The following CERKL variants were observed in gnomAD, a reference collection of about 807,000 sequenced individuals.
The protein encoded by CERKL is ceramide kinase-like protein.
CERKL carries 61 observed loss-of-function variants against 63.4 expected under a neutral mutation model. That is an observed-to-expected ratio of 0.96 (90% CI 0.78 to 1.19). CERKL has a LOEUF of 1.19. Among genes scored for constraint, CERKL ranks in the 50% most tolerant of loss-of-function variants. CERKL has a pLI of 0.00. For missense variants in CERKL, 675 were observed against 655.5 expected (o/e 1.03, Z -0.33); for synonymous variants, 250 against 230.5 (o/e 1.08, Z -0.77).
At position 181,616,684 on chromosome 2, in the gene CERKL, T is replaced by A. The variant is rs150905440; in HGVS notation, c.239-12605A>T. The stretch of plus-strand genomic sequence containing the variant: ...AGAACAGTATAATAGAAATGAGAGC[T>A]GTTTGACTTTCAATCATAGACAATC... On this transcript the variant is annotated intron_variant, in intron 1 of 12. Coordinates refer to ENST00000410087, the MANE Select transcript of CERKL (RefSeq NM_201548.5). Among the ~76,000 whole-genome samples, 343 of 152,320 alleles carry A rather than the reference T, an allele frequency of 2.3e-3. 3 individuals are homozygous for A. Among genetic ancestry groups the A allele is most frequent in the African/African-American group, 7.8e-3 (323 of 41,576 alleles).
At chr2:181,602,157 C>T (rs1024042543) in intron 2 of CERKL, among the ~76,000 whole-genome samples, 1 of 152,170 alleles carries the variant, frequency 6.6e-6, no homozygotes, top group African/African-American at 2.4e-5. Flanking sequence ...ATGTCCTCTG[C>T]TTCTTACTTT....
At chr2:181,598,465 A>G (rs1394211256) in intron 2 of CERKL, among the ~76,000 whole-genome samples, 4 of 151,966 alleles carry the variant, frequency 2.6e-5, no homozygotes, top group African/African-American at 7.3e-5. Context: ...TCTCCCCCCA[A>G]CCAGCGACCC....
intron 2 of CERKL, among the ~76,000 whole-genome samples, chr2:181,584,817 T>G (rs941928330): frequency 6.6e-6 from 1 of 151,344 alleles, no homozygotes; most frequent in Admixed American, 6.6e-5. Flanking sequence ...AGCTCCCCGG[T>G]TTTTTTTGTT....
intron 2 of CERKL, among the ~76,000 whole-genome samples, chr2:181,584,114 G>A (rs1327459315): frequency 6.6e-6 from 1 of 152,140 alleles, no homozygotes; most frequent in Non-Finnish European, 1.5e-5. Context: ...TAGAATCAAG[G>A]TGATAAAAAT....
chr2:181,614,465 A>G (rs1318324804), intron 1 of CERKL, among the ~76,000 whole-genome samples: 1 of 152,216 alleles, frequency 6.6e-6, no homozygotes, highest in Admixed American at 6.5e-5. Flanking sequence ...CCTTTACGGT[A>G]TCACCTTAAG....
At chr2:181,611,742 T>C (rs969026161) in intron 1 of CERKL, among the ~76,000 whole-genome samples, 1 of 152,184 alleles carries the variant, frequency 6.6e-6, no homozygotes, top group Non-Finnish European at 1.5e-5. Flanking sequence ...ACAGCACATT[T>C]CCATTACTGT....
At chr2:181,595,366 T>C (rs889662965) in intron 2 of CERKL, among the ~76,000 whole-genome samples, 4 of 142,838 alleles carry the variant, frequency 2.8e-5, no homozygotes, top group African/African-American at 1.2e-4. Context: ...ACCCTACGGG[T>C]TGCCCTGCTT....
At chr2:181,567,863 C>A (rs1262059714) in intron 3 of CERKL, among the ~76,000 whole-genome samples, 1 of 151,986 alleles carries the variant, frequency 6.6e-6, no homozygotes, top group African/African-American at 2.4e-5. Context: ...TATTGTGGGC[C>A]CTGGAATCAG....
chr2:181,539,075 G>A lies in CERKL; in HGVS notation c.1538+17C>T. 1.3e-6 allele frequency: 2 copies of A among 1,523,376 alleles called. No homozygotes were observed. The highest frequency in any genetic ancestry group is 1.8e-6 in the Non-Finnish European group (2 of 1,097,892). The allele number at this position is 1,523,376 out of a possible 1,614,324, so 94.4% of individuals were successfully genotyped here. A position where few individuals can be genotyped will look rare whatever the true frequency, so the allele number is the denominator to read the frequency against. On this transcript the variant is annotated intron_variant, in intron 12 of 12. Coordinates refer to ENST00000410087, the MANE Select transcript of CERKL (RefSeq NM_201548.5). ...TGTTTACTGGTTGACAATAAGCGGT[G>A]AAATAAATAGACTTACCTAATATGG...
intron 1 of CERKL, among the ~76,000 whole-genome samples, chr2:181,650,758 TCAAAAAAAAAGAAAGAAAGAAAAAAA>T (rs1687893941): frequency 7.0e-6 from 1 of 143,256 alleles, no homozygotes; most frequent in Non-Finnish European, 1.5e-5. Context: ...AAACTCCATC[TCAAAAAAAAAGAAAGAAAGAAAAAAA>T]AGAACAGAAC....
At chr2:181,592,974 G>T (rs1013067460) in intron 2 of CERKL, among the ~76,000 whole-genome samples, 1 of 152,206 alleles carries the variant, frequency 6.6e-6, no homozygotes, top group South Asian at 2.1e-4. Context: ...TAAAGAGTTT[G>T]GGGCTATGGA....
intron 1 of CERKL, among the ~76,000 whole-genome samples, chr2:181,610,531 A>C (rs1189016647): frequency 6.6e-6 from 1 of 152,244 alleles, no homozygotes; most frequent in Non-Finnish European, 1.5e-5. Flanking sequence ...AATAAATCAT[A>C]GTCATCTTCT....
intron 12 of CERKL, 44 bp from the exon 13 acceptor site, chr2:181,538,288 T>G: frequency 1.7e-6 from 2 of 1,151,022 alleles, no homozygotes; most frequent in South Asian, 2.5e-5. Flanking sequence ...TTTGTTGTTT[T>G]TCACATACAC....
intron 1 of CERKL, among the ~76,000 whole-genome samples, chr2:181,636,507 A>C (rs1687186767): frequency 1.3e-5 from 2 of 151,920 alleles, no homozygotes; most frequent in Admixed American, 1.3e-4. Context: ...CCTAATGCCC[A>C]GCCTTTGTCA....
intron 11 of CERKL, 135 bp from the exon 12 acceptor site, chr2:181,539,399 C>A (rs991030480): frequency 3.2e-6 from 2 of 622,704 alleles, no homozygotes; most frequent in Non-Finnish European, 5.6e-6. Flanking sequence ...AGACTATGAA[C>A]AGGGATCTCC....
At chr2:181,654,798 T>A (rs1407483527) in intron 1 of CERKL, among the ~76,000 whole-genome samples, 1 of 152,234 alleles carries the variant, frequency 6.6e-6, no homozygotes, top group Non-Finnish European at 1.5e-5. Context: ...TTGTTGTGCT[T>A]TTTGAGATGG....
At chr2:181,544,532 C>T (rs112182710) in intron 11 of CERKL, among the ~76,000 whole-genome samples, 168 bp downstream of exon 11, 32 of 151,988 alleles carry the variant, frequency 2.1e-4, no homozygotes, top group African/African-American at 5.6e-4. Context: ...TTAATCCTGG[C>T]GGATGCTTTT....
In CERKL at chr2:181,544,705, T is replaced by A; in HGVS notation, c.1360A>T (p.Asn454Tyr). ...ACAAAAAGAATTTACTATACCTGAT[T>A]TTTTACACTGGCATATCTTTTCAGG... ...KHLKRYASVK[N>Y]QFNFPFVETY... Residue 454 changes from asparagine (N) to tyrosine (Y), a missense_variant, in exon 11 of 13, where the codon AAT becomes TAT. Transcript: ENST00000410087. 1.3e-6 allele frequency: 2 copies of A among 1,590,462 alleles called. No individual in the cohort carries two copies. Among genetic ancestry groups the A allele is most frequent in the East Asian group, 4.5e-5 (2 of 44,518 alleles).
At position 181,563,149 on chromosome 2, in the gene CERKL, A is replaced by G. The variant is rs186663222; in HGVS notation, c.677+2909T>C. 8.2e-4 allele frequency among the ~76,000 whole-genome samples: 125 copies of G among 152,098 alleles called. 1 individual carries two copies. The highest frequency in any genetic ancestry group is 1.5e-3 in the Non-Finnish European group (103 of 67,974). ...TTTATTTTCCTTCCTAAAACTTCCTACTCATGCCCAGTAAAATAGGGAGCA... is the reference window on the plus strand; with the variant it reads ...TTTATTTTCCTTCCTAAAACTTCCTGCTCATGCCCAGTAAAATAGGGAGCA... On this transcript the variant is annotated intron_variant, in intron 4 of 12. Transcript: ENST00000410087.
Sources: gnomAD v4.1 joint callset for allele counts (sites outside exome capture counted in the v4.1 genomes callset) on GRCh38, gnomAD v4.1.1 for gene constraint, MANE v1.5 for transcripts, NCBI Gene and HGNC (gene_info 2026-07-23, HGNC 2026-07-21) for gene names.